CDH10: variants seen among roughly 807,000 people sequenced by gnomAD.
CDH10 encodes cadherin 10.
A neutral mutation model predicts 73.1 loss-of-function variants in CDH10; 30 were observed. The observed-to-expected ratio is 0.41, with a 90% CI of 0.31 to 0.56. The LOEUF (loss-of-function observed/expected upper bound fraction) is 0.56. CDH10 is among the 20% of genes least tolerant of loss of function. The probability of loss-of-function intolerance (pLI) is 0.27; values close to 1 mark genes in which losing one functional copy is unlikely to be tolerated. For missense variants in CDH10, 815 were observed against 973.7 expected, an observed-to-expected ratio of 0.84 and a Z score of 2.17; for synonymous variants, 345 against 348.2, an observed-to-expected ratio of 0.99 and a Z score of 0.10.
Position 24,537,585 on chromosome 5 carries a change from T to G in CDH10, c.321A>C (p.Lys107Asn). The change falls in exon 3 of 12, where the codon AAA becomes AAC. Residue 107 changes from lysine to asparagine, a missense_variant. Lys to Asn is a moderately conservative substitution (Grantham distance 94). Around this residue, in one of 3 missense-constraint regions of CDH10, gnomAD observed 516 missense variants for 636.6 expected, o/e 0.81. Coordinates refer to ENST00000264463, the MANE Select transcript of CDH10 (RefSeq NM_006727.5). ...GCCTTGTGGCATGAATATCACCTGT[T>G]TTTTCATCAATAATAAAAAGAGTAC... ...GAGTLFIIDE[K>N]TGDIHATRRI... 1 of 1,609,564 alleles carries G rather than the reference T, an allele frequency of 6.2e-7. No homozygotes were observed. The highest frequency in any genetic ancestry group is 8.5e-7 in the Non-Finnish European group (1 of 1,176,112).
chr5:24,582,768 T>A (rs1745848408), intron 2 of CDH10, among the ~76,000 whole-genome samples: 1 of 152,176 alleles, frequency 6.6e-6, no homozygotes, highest in African/African-American at 2.4e-5. Context: ...ACATAGATGC[T>A]CATGCTCACT....
At chr5:24,641,565 A>T (rs554226270) in intron 1 of CDH10, among the ~76,000 whole-genome samples, 1 of 152,226 alleles carries the variant, frequency 6.6e-6, no homozygotes, top group Non-Finnish European at 1.5e-5. Context: ...AGTGTCAAGA[A>T]AAGATAAATA....
intron 2 of CDH10, among the ~76,000 whole-genome samples, chr5:24,574,051 A>AT (rs1246923921): frequency 4.6e-5 from 7 of 151,184 alleles, no homozygotes; most frequent in Non-Finnish European, 8.8e-5. Flanking sequence ...CACCCGGCTA[A>AT]TTTTTTCGTA....
At chr5:24,521,018 C>G (rs1275333086) in intron 5 of CDH10, among the ~76,000 whole-genome samples, 1 of 151,940 alleles carries the variant, frequency 6.6e-6, no homozygotes, top group East Asian at 1.9e-4. Flanking sequence ...AAATAATTTT[C>G]AAGTTGAGAA....
At chr5:24,594,325 G>C (rs1187258548) in intron 1 of CDH10, among the ~76,000 whole-genome samples, 1 of 151,838 alleles carries the variant, frequency 6.6e-6, no homozygotes, top group East Asian at 1.9e-4. Flanking sequence ...CTATACCCCA[G>C]GCTGACTATG....
At chr5:24,621,390 G>T (rs530681742) in intron 1 of CDH10, among the ~76,000 whole-genome samples, 4 of 152,276 alleles carry the variant, frequency 2.6e-5, no homozygotes, top group African/African-American at 9.6e-5. Flanking sequence ...TAAAAAGCTC[G>T]CTTCCATTTT....
intron 1 of CDH10, among the ~76,000 whole-genome samples, chr5:24,601,709 G>A (rs757110202): frequency 1.7e-4 from 26 of 152,062 alleles, no homozygotes; most frequent in Non-Finnish European, 1.9e-4. Context: ...ATGCCCTTGA[G>A]AATAAAGATT....
intron 9 of CDH10, among the ~76,000 whole-genome samples, chr5:24,496,615 G>A (rs1393307962): frequency 6.6e-6 from 1 of 152,144 alleles, no homozygotes; most frequent in Non-Finnish European, 1.5e-5. Flanking sequence ...GTCCATGTCG[G>A]TGTTCTAAGT....
Position 24,518,884 on chromosome 5 carries a change from C to CTTTT in CDH10, c.815-7374_815-7371dup, listed in dbSNP as rs36019861. Among the ~76,000 whole-genome samples the CTTTT allele has an allele frequency of 8.5e-4, 66 of 77,444 alleles. 3 individuals carry two copies. Among genetic ancestry groups the CTTTT allele is most frequent in the African/African-American group, 1.9e-3 (37 of 19,782 alleles). The allele number at this position is 77,444 out of a possible 152,430, so 50.8% of individuals were successfully genotyped here. On this transcript the variant is annotated intron_variant, in intron 5 of 11. Transcript: ENST00000264463. ...TAATTTTGATTTTTTGACATGTGCA[C>CTTTT]TTTTTTTTTTTTTTTTTTTTTTTTG...
chr5:24,570,997 T>A (rs1484575714), intron 2 of CDH10, among the ~76,000 whole-genome samples: 2 of 152,154 alleles, frequency 1.3e-5, no homozygotes, highest in African/African-American at 4.8e-5. Context: ...ATGACGTGTT[T>A]TAAAATTTGG....
At chr5:24,594,778 C>A (rs1246890040) in intron 1 of CDH10, among the ~76,000 whole-genome samples, 1 of 151,910 alleles carries the variant, frequency 6.6e-6, no homozygotes, top group African/African-American at 2.4e-5. Flanking sequence ...TTCCAGTATA[C>A]TCCATGTATT....
chr5:24,518,018 C>G lies in CDH10; in HGVS notation c.815-6504G>C, dbSNP rs78292016. Among the ~76,000 whole-genome samples, 236 of 152,224 alleles carry G rather than the reference C, an allele frequency of 1.6e-3. 1 individual carries two copies. The highest frequency in any genetic ancestry group is 5.3e-3 in the African/African-American group (220 of 41,538). Reference sequence around the variant, plus strand: ...TATCTATTTTTACAGACACAGACAGCTTTAACTGCTAGGGGAGAGGGTGAC... The same window carrying G: ...TATCTATTTTTACAGACACAGACAGGTTTAACTGCTAGGGGAGAGGGTGAC... On this transcript the variant is annotated intron_variant, in intron 5 of 11. Coordinates refer to ENST00000264463, the MANE Select transcript of CDH10 (RefSeq NM_006727.5).
At chr5:24,644,236 G>T (rs925975511) in intron 1 of CDH10, among the ~76,000 whole-genome samples, 2 of 152,088 alleles carry the variant, frequency 1.3e-5, no homozygotes, top group African/African-American at 4.8e-5. Context: ...CTCTTGAACT[G>T]ATTTTTAAAA....
intron 2 of CDH10, among the ~76,000 whole-genome samples, chr5:24,571,317 C>T (rs1453063741): frequency 6.6e-6 from 1 of 151,866 alleles, no homozygotes; most frequent in East Asian, 1.9e-4. Flanking sequence ...AAGAAAAAAG[C>T]AGGATGTGAG....
chr5:24,532,717 G>T (rs1342693796), intron 5 of CDH10, among the ~76,000 whole-genome samples: 1 of 152,030 alleles, frequency 6.6e-6, no homozygotes, highest in African/African-American at 2.4e-5. Context: ...TTGGGTTAAA[G>T]AAAAACATAT....
At chr5:24,575,880 T>C (rs1427520729) in intron 2 of CDH10, among the ~76,000 whole-genome samples, 1 of 152,152 alleles carries the variant, frequency 6.6e-6, no homozygotes, top group African/African-American at 2.4e-5. Flanking sequence ...ATTTTATAAA[T>C]AGCACTTCTA....
intron 11 of CDH10, among the ~76,000 whole-genome samples, chr5:24,489,645 T>C (rs532126472): frequency 6.6e-6 from 1 of 152,240 alleles, no homozygotes; most frequent in African/African-American, 2.4e-5. Flanking sequence ...TTGAATGTTT[T>C]TTGATTAGGG....
chr5:24,613,662 C>A (rs552440573), intron 1 of CDH10, among the ~76,000 whole-genome samples: 1 of 152,004 alleles, frequency 6.6e-6, no homozygotes, highest in Admixed American at 6.6e-5. Flanking sequence ...GACACTGTGG[C>A]AATTGCCTCA....
At chr5:24,525,427 C>T (rs6452216) in intron 5 of CDH10, among the ~76,000 whole-genome samples, 73,517 of 151,724 alleles carry the variant, frequency 0.48, 17,909 homozygotes, top group East Asian at 0.58. Context: ...CTATGCTGCA[C>T]GATAATCTCG....
Sources: gnomAD v4.1 joint callset for allele counts (sites outside exome capture counted in the v4.1 genomes callset) on GRCh38, gnomAD v4.1.1 for gene constraint, gnomAD v4.1.1 regional missense constraint, MANE v1.5 for transcripts, NCBI Gene and HGNC (gene_info 2026-07-23, HGNC 2026-07-21) for gene names.